Variants in MC2R observed in about 807,000 individuals in gnomAD.
The protein encoded by MC2R is melanocortin 2 receptor.
MC2R carries 9 observed loss-of-function variants against 9.8 expected under a neutral mutation model. The ratio of observed to expected loss-of-function variants is 0.92; its 90% CI spans 0.55 to 1.60. The LOEUF is 1.60. Ranked by LOEUF, MC2R falls within the 40% of genes most tolerant of loss-of-function variation. The pLI is 0.00. For synonymous variants in MC2R, 185 were observed against 154.7 expected (o/e 1.20, Z -1.45); for missense variants, 370 against 389.0 (o/e 0.95, Z 0.41).
At chr18:13,888,891 T>C (rs1160031314) in intron 1 of MC2R, among the ~76,000 whole-genome samples, 1 of 152,244 alleles carries the variant, frequency 6.6e-6, no homozygotes, top group East Asian at 1.9e-4. Context: ...GATAGGGGTC[T>C]GCACCTGCCA....
upstream of MC2R, chr18:13,915,646 C>G (rs2045471783): frequency 6.6e-6 from 1 of 152,352 alleles, no homozygotes. Flanking sequence ...TAAATGTCAT[C>G]CCACATGAAC....
intron 1 of MC2R, among the ~76,000 whole-genome samples, chr18:13,900,716 T>C (rs1412057002): frequency 6.6e-6 from 1 of 152,096 alleles, no homozygotes; most frequent in Non-Finnish European, 1.5e-5. Flanking sequence ...TTTAAATATA[T>C]GCACCTGAGA....
intron 1 of MC2R, among the ~76,000 whole-genome samples, chr18:13,890,956 C>T (rs1598462029): frequency 2.0e-5 from 3 of 152,272 alleles, no homozygotes; most frequent in African/African-American, 7.2e-5. Flanking sequence ...GACTCCTGGG[C>T]ACACAAGGAG....
At chr18:13,895,546 C>T (rs61011123) in intron 1 of MC2R, among the ~76,000 whole-genome samples, 1,700 of 152,160 alleles carry the variant, frequency 0.011, 31 homozygotes, top group African/African-American at 0.039. Context: ...CAGGAAGGGG[C>T]AGGCAAGGAC....
In MC2R at chr18:13,883,627, A is replaced by ACTCTCT. The variant is rs10582120; in HGVS notation, c.*992_*997dup. The ACTCTCT allele has an allele frequency of 1.3e-4, 7 of 53,126 alleles. No individual in the cohort carries two copies. The highest frequency in any genetic ancestry group is 4.0e-4 in the African/African-American group (7 of 17,592). The allele number at this position is 53,126 out of a possible 1,614,324, so 3.3% of individuals were successfully genotyped here. A position where few individuals can be genotyped will look rare whatever the true frequency, so the allele number is the denominator to read the frequency against. On this transcript the variant is annotated 3_prime_UTR_variant, in exon 2 of 2. Transcript: ENST00000327606. Reference sequence around the variant, plus strand: ...CACACACACACACACACACACACACACTCTCTCTCTCTCTCTCTCTCTCTC... The same window carrying ACTCTCT: ...CACACACACACACACACACACACACACTCTCTCTCTCTCTCTCTCTCTCTCTCTCTC...
At chr18:13,892,669 GGCCA>G (rs1281586424) in intron 1 of MC2R, among the ~76,000 whole-genome samples, 1 of 151,840 alleles carries the variant, frequency 6.6e-6, no homozygotes, top group Non-Finnish European at 1.5e-5. Context: ...AATAATATTT[GGCCA>G]AATGTCTTGA....
At chr18:13,888,112 TAA>T (rs11317710) in intron 1 of MC2R, among the ~76,000 whole-genome samples, 17 of 148,022 alleles carry the variant, frequency 1.1e-4, no homozygotes, top group Admixed American at 2.7e-4. Context: ...GTAAAATTCA[TAA>T]AAAAAAAAAG....
rs534045805 is a variant in MC2R, at chr18:13,887,331, G to A, written c.-128-1685C>T. 2.1e-4 allele frequency among the ~76,000 whole-genome samples: 25 copies of A among 119,082 alleles called. No individual in the cohort carries two copies. In the Middle Eastern group the frequency reaches 0.035, roughly 168 times the overall value. The allele number at this position is 119,082 out of a possible 152,430, so 78.1% of individuals were successfully genotyped here. A position where few individuals can be genotyped will look rare whatever the true frequency, so the allele number is the denominator to read the frequency against. On this transcript the variant is annotated intron_variant, in intron 1 of 1. Transcript: ENST00000327606. ...TGCTGGGAAAGCCTCAGGGATGGCA[G>A]GGGAAGCCTGTGTGCTGTGTCCCAC...
rs1555619241 is a variant in MC2R at position 13,883,729 on chromosome 18, T to TAATA, written c.*895_*896insTATT. The TAATA allele has an allele frequency of 1.5e-5, 2 of 129,210 alleles. No homozygotes were observed. Among genetic ancestry groups the TAATA allele is most frequent in the African/African-American group, 5.8e-5 (2 of 34,344 alleles). 8.0% of individuals were successfully genotyped at this position (129,210 alleles called of 1,614,324 possible). The stretch of plus-strand genomic sequence containing the variant: ...GCTCTTTTCTTGTACTTCTACATTG[T>TAATA]AACACACATAGTTTGGTTACAGCTT... On this transcript the variant is annotated 3_prime_UTR_variant, in exon 2 of 2. Coordinates refer to ENST00000327606, the MANE Select transcript of MC2R (RefSeq NM_000529.2).
intron 1 of MC2R, among the ~76,000 whole-genome samples, chr18:13,893,344 C>T (rs2045328145): frequency 6.6e-6 from 1 of 152,128 alleles, no homozygotes; most frequent in African/African-American, 2.4e-5. Flanking sequence ...TAATTTTTTA[C>T]CACTGTGCCT....
chr18:13,907,708 A>T (rs763520960), intron 1 of MC2R, among the ~76,000 whole-genome samples: 4 of 152,214 alleles, frequency 2.6e-5, no homozygotes, highest in Non-Finnish European at 5.9e-5. Context: ...CCAATTTAAA[A>T]ATGGGCAAAA....
chr18:13,907,513 C>T (rs974905147), intron 1 of MC2R, among the ~76,000 whole-genome samples: 2 of 152,154 alleles, frequency 1.3e-5, no homozygotes, highest in African/African-American at 4.8e-5. Context: ...AAAGCAAAAT[C>T]AGGCAGGTGG....
rs1567894177 is a variant in MC2R, at chr18:13,882,596, G to A, written c.*2029C>T. 1 of 152,200 alleles carries A rather than the reference G, an allele frequency of 6.6e-6. No homozygotes were observed. The highest frequency in any genetic ancestry group is 1.5e-5 in the Non-Finnish European group (1 of 68,044). 9.4% of individuals were successfully genotyped at this position (152,200 alleles called of 1,614,324 possible). ...AGAGTGATTAGGAGACAGCAAAGCT[G>A]TTGACAAAGGCAGAATTTTATAGGA... On this transcript the variant is annotated 3_prime_UTR_variant, in exon 2 of 2. Transcript: ENST00000327606.
chr18:13,913,719 G>T (rs912432767), intron 1 of MC2R, among the ~76,000 whole-genome samples: 1 of 152,198 alleles, frequency 6.6e-6, no homozygotes, highest in Admixed American at 6.5e-5. Context: ...ACTCAGCACT[G>T]TGTCCTTGCC....
intron 1 of MC2R, among the ~76,000 whole-genome samples, chr18:13,909,119 T>A (rs2045430291): frequency 6.6e-6 from 1 of 151,858 alleles, no homozygotes; most frequent in Non-Finnish European, 1.5e-5. Context: ...AGGCTTCTCT[T>A]GGTTGTGACA....
intron 1 of MC2R, among the ~76,000 whole-genome samples, chr18:13,903,753 A>C (rs1031099663): frequency 3.3e-5 from 5 of 152,180 alleles, no homozygotes; most frequent in African/African-American, 1.2e-4. Flanking sequence ...GAAATAATTA[A>C]TAATATCTAC....
chr18:13,885,064 G>T lies in MC2R; in HGVS notation c.455C>A (p.Thr152Lys), dbSNP rs765856804. 6.2e-7 allele frequency: 1 copy of T among 1,614,142 alleles called. No homozygotes were observed. The highest frequency in any genetic ancestry group is 8.5e-7 in the Non-Finnish European group (1 of 1,180,020). The change falls in exon 2 of 2, where the codon ACG becomes AAG. Residue 152 changes from threonine (T) to lysine (K), a missense_variant. By Grantham distance (78) the Thr-to-Lys change is moderately conservative (BLOSUM62 -1). Coordinates refer to ENST00000327606, the MANE Select transcript of MC2R (RefSeq NM_000529.2). ...CCCCGTGCAGAACGTCCAGATGACCGTAAGCACCACCACAGTGCGGCGCAT... is the reference window on the plus strand; with the variant it reads ...CCCCGTGCAGAACGTCCAGATGACCTTAAGCACCACCACAGTGCGGCGCAT... ...VTMRRTVVVL[T>K]VIWTFCTGTG...
intron 1 of MC2R, among the ~76,000 whole-genome samples, chr18:13,904,635 A>AAAACAGGTACAGTAACCG (rs2149141922): frequency 1.3e-5 from 2 of 150,908 alleles, no homozygotes; most frequent in South Asian, 4.2e-4. Flanking sequence ...TACAGTAACC[A>AAAACAGGTACAGTAACCG]AAACAGGTAC....
intron 1 of MC2R, among the ~76,000 whole-genome samples, chr18:13,911,928 T>G (rs936740607): frequency 1.3e-5 from 2 of 152,154 alleles, no homozygotes; most frequent in African/African-American, 4.8e-5. Context: ...AGGTAAGACA[T>G]GCACAGCTGA....
Sources: gnomAD v4.1 joint callset for allele counts (sites outside exome capture counted in the v4.1 genomes callset) on GRCh38, gnomAD v4.1.1 for gene constraint, MANE v1.5 for transcripts, NCBI Gene and HGNC (gene_info 2026-07-23, HGNC 2026-07-21) for gene names.